FDFT1: variants seen among roughly 807,000 people sequenced by gnomAD.
FDFT1 encodes the protein farnesyl-diphosphate farnesyltransferase 1, also known as squalene synthase.
Under a neutral mutation model 46.8 loss-of-function variants are expected in FDFT1, and 68 were observed. The ratio of observed to expected loss-of-function variants is 1.45; its 90% CI spans 1.19 to 1.78. FDFT1 has a LOEUF of 1.78. Among genes scored for constraint, FDFT1 ranks in the 40% most tolerant of loss-of-function variants. The pLI is 0.00. For missense variants in FDFT1, 928 were observed against 524.4 expected, an observed-to-expected ratio of 1.77 and a Z score of -7.52; for synonymous variants, 351 against 185.1, an observed-to-expected ratio of 1.90 and a Z score of -7.28.
At chr8:11,798,789 T>C (rs1805819117), upstream of FDFT1, among the ~76,000 whole-genome samples, 1 of 152,182 alleles carries the variant, frequency 6.6e-6, no homozygotes, top group Non-Finnish European at 1.5e-5. Context: ...CTATTCCAGA[T>C]GGTTGAGGGG....
intron 3 of FDFT1, among the ~76,000 whole-genome samples, chr8:11,812,654 A>G (rs1390460989): frequency 6.6e-6 from 1 of 152,208 alleles, no homozygotes; most frequent in Non-Finnish European, 1.5e-5. Context: ...TCGATTGATC[A>G]TTTTTAAATT....
At chr8:11,800,296 G>T (rs1441613754), upstream of FDFT1, among the ~76,000 whole-genome samples, 5 of 133,884 alleles carry the variant, frequency 3.7e-5, no homozygotes, top group Admixed American at 7.7e-5. Flanking sequence ...AAAAAAAGGC[G>T]CTTGAACATT....
chr8:11,802,532 G>A (rs1206591354), upstream of FDFT1: 1 of 549,834 alleles, frequency 1.8e-6, no homozygotes, highest in African/African-American at 1.9e-5. Flanking sequence ...GGCCTCCAAT[G>A]AGCTTCTAGA....
At chr8:11,834,182 A>AG (rs1243475846) in intron 7 of FDFT1, among the ~76,000 whole-genome samples, 2 of 152,208 alleles carry the variant, frequency 1.3e-5, no homozygotes, top group Non-Finnish European at 2.9e-5. Flanking sequence ...GACTTGCCAG[A>AG]GGACCTCCTC....
In FDFT1 at chr8:11,809,562, T is replaced by G. The variant is rs546900144; in HGVS notation, c.198-105T>G. On this transcript the variant is annotated intron_variant, in intron 2 of 7. Transcript: ENST00000220584. Reference sequence around the variant, plus strand: ...TGGATATCCTTATAGTTCTTTAGAGTTAAGGGTGAGATGGGTTTAGAAAGT... The same window carrying G: ...TGGATATCCTTATAGTTCTTTAGAGGTAAGGGTGAGATGGGTTTAGAAAGT... The G allele has an allele frequency of 5.7e-5, 76 of 1,335,536 alleles. No individual in the cohort carries two copies. In the South Asian group the frequency reaches 9.6e-4, roughly 17 times the overall value. 82.7% of individuals were successfully genotyped at this position (1,335,536 alleles called of 1,614,324 possible).
Position 11,831,322 on chromosome 8 carries a change from G to A in FDFT1, c.880-196G>A, listed in dbSNP as rs75141057. On this transcript the variant is annotated intron_variant, in intron 6 of 7. Coordinates refer to ENST00000220584, the MANE Select transcript of FDFT1 (RefSeq NM_004462.5). Reference sequence around the variant, plus strand: ...TTTAGACTGCTTAATTCTGTGTGTTGTTGAGAAAGGGAGGAGTGGGGAAGG... The same window carrying A: ...TTTAGACTGCTTAATTCTGTGTGTTATTGAGAAAGGGAGGAGTGGGGAAGG... Among the ~76,000 whole-genome samples the A allele has an allele frequency of 1.9e-3, 289 of 152,306 alleles. 5 individuals carry two copies. In the East Asian group the frequency reaches 0.047, roughly 25 times the overall value.
intron 3 of FDFT1, among the ~76,000 whole-genome samples, chr8:11,817,730 A>C (rs1054965810): frequency 2.2e-4 from 33 of 151,762 alleles, no homozygotes; most frequent in Admixed American, 1.8e-3. Context: ...ATCATTTTTT[A>C]TTACGTCTTT....
At chr8:11,800,241 C>A (rs1044155770), upstream of FDFT1, among the ~76,000 whole-genome samples, 123 of 98,422 alleles carry the variant, frequency 1.2e-3, 1 homozygote, top group African/African-American at 4.9e-3. Context: ...AGCCTGGCAA[C>A]AAGAGTGAAA....
In FDFT1 at chr8:11,809,224, T is replaced by C. The variant is rs117435442; in HGVS notation, c.197+333T>C. 8,567 of 1,174,118 alleles carry C rather than the reference T, an allele frequency of 7.3e-3. 114 individuals carry two copies. The highest frequency in any genetic ancestry group is 0.062 in the Admixed American group (1,446 of 23,300). 72.7% of individuals were successfully genotyped at this position (1,174,118 alleles called of 1,614,324 possible). ...CAACTTTGCATTTCTATTTCTAGCATATTGGGTTGATTCTTTTGAAGCTGC... is the reference window on the plus strand; with the variant it reads ...CAACTTTGCATTTCTATTTCTAGCACATTGGGTTGATTCTTTTGAAGCTGC... On this transcript the variant is annotated intron_variant, in intron 2 of 7. Transcript: ENST00000220584.
upstream of FDFT1, chr8:11,798,116 G>GC (rs1805747981): frequency 6.6e-6 from 1 of 152,136 alleles, no homozygotes. Flanking sequence ...TCACTTTGTT[G>GC]CCCAGGCTGC....
chr8:11,815,210 T>TA (rs1352638126), intron 3 of FDFT1, among the ~76,000 whole-genome samples: 3 of 152,240 alleles, frequency 2.0e-5, no homozygotes, highest in African/African-American at 7.2e-5. Flanking sequence ...ATCCTTTTTT[T>TA]ATGGCTGTGT....
At chr8:11,835,971 T>TAAAAAAAAAAA (rs755611965) in intron 7 of FDFT1, among the ~76,000 whole-genome samples, 1,089 of 64,418 alleles carry the variant, frequency 0.017, 129 homozygotes, top group Non-Finnish European at 0.023. Flanking sequence ...CTGTCTCTAC[T>TAAAAAAAAAAA]AAAAAAAAAA....
In FDFT1 at chr8:11,806,218, C is replaced by T. The variant is rs184032113; in HGVS notation, c.100-2576C>T. Reference sequence around the variant, plus strand: ...ATTCCCTCCATCCCTGTTTTTCTCCCGCTTGCGAGCTTTTGGGAGTGTGCT... The same window carrying T: ...ATTCCCTCCATCCCTGTTTTTCTCCTGCTTGCGAGCTTTTGGGAGTGTGCT... On this transcript the variant is annotated intron_variant, in intron 1 of 7. Coordinates refer to ENST00000220584, the MANE Select transcript of FDFT1 (RefSeq NM_004462.5). Among the ~76,000 whole-genome samples, 13 of 152,204 alleles carry T rather than the reference C, an allele frequency of 8.5e-5. No homozygotes were observed. In the East Asian group the frequency reaches 1.7e-3, roughly 20 times the overall value.
chr8:11,821,373 A>G (rs1196686005), intron 3 of FDFT1, among the ~76,000 whole-genome samples: 1 of 152,236 alleles, frequency 6.6e-6, no homozygotes, highest in African/African-American at 2.4e-5. Flanking sequence ...CTAGTGGATC[A>G]TGAGGTCAGG....
intron 3 of FDFT1, among the ~76,000 whole-genome samples, chr8:11,820,300 G>A (rs566409023): frequency 2.0e-5 from 3 of 152,296 alleles, no homozygotes; most frequent in African/African-American, 7.2e-5. Context: ...GCTACATGGG[G>A]CTCAGGGACC....
At chr8:11,802,390 C>T (rs766336265), upstream of FDFT1, 5 of 456,118 alleles carry the variant, frequency 1.1e-5, no homozygotes, top group East Asian at 6.9e-5. Flanking sequence ...CACCGTTGGG[C>T]TCCTGCGCAT....
intron 3 of FDFT1, among the ~76,000 whole-genome samples, chr8:11,812,935 T>C (rs941704720): frequency 2.0e-5 from 3 of 152,206 alleles, no homozygotes; most frequent in African/African-American, 7.2e-5. Flanking sequence ...GAGAAACGCA[T>C]TGATAGATGA....
At chr8:11,820,590 C>T (rs1244818919) in intron 3 of FDFT1, among the ~76,000 whole-genome samples, 8 of 152,316 alleles carry the variant, frequency 5.3e-5, no homozygotes, top group Non-Finnish European at 1.2e-4. Context: ...GAGGCGCTTC[C>T]CCTCACCAAG....
At chr8:11,812,424 G>C (rs538700082) in intron 3 of FDFT1, among the ~76,000 whole-genome samples, 2 of 152,176 alleles carry the variant, frequency 1.3e-5, no homozygotes, top group Non-Finnish European at 2.9e-5. Flanking sequence ...CCTCTCAAAT[G>C]AATGTGAGGT....
Sources: allele counts gnomAD v4.1 joint callset (sites outside exome capture counted in the v4.1 genomes callset), GRCh38; gene constraint gnomAD v4.1.1; transcripts MANE v1.5; gene names NCBI Gene and HGNC (gene_info 2026-07-23, HGNC 2026-07-21).